Variants in PFKFB3 observed in about 807,000 individuals in gnomAD.
PFKFB3 encodes the protein 6-phosphofructo-2-kinase/fructose-2,6-bisphosphatase 3.
Under a neutral mutation model 68.0 loss-of-function variants are expected in PFKFB3, and 33 were observed. The ratio of observed to expected loss-of-function variants is 0.49; its 90% confidence interval spans 0.37 to 0.65. PFKFB3 has a LOEUF of 0.65. PFKFB3 is among the 30% of genes least tolerant of loss of function. PFKFB3 has a pLI of 0.00. For missense variants in PFKFB3, 586 were observed against 712.2 expected (o/e 0.82, Z 2.02); for synonymous variants, 315 against 288.2 (o/e 1.09, Z -0.94).
At chr10:6,193,893 C>T (rs985262238) in intron 1 of PFKFB3, among the ~76,000 whole-genome samples, 1 of 152,186 alleles carries the variant, frequency 6.6e-6, no homozygotes, top group Non-Finnish European at 1.5e-5. Flanking sequence ...AAACAAATCA[C>T]AATGGTGGAA....
At chr10:6,267,976 A>AG in the PFKFB3 span, among the ~76,000 whole-genome samples, 1 of 150,828 alleles carries the variant, frequency 6.6e-6, no homozygotes, top group African/African-American at 2.4e-5. Context: ...AAAAAAAAAA[A>AG]ATCAAATTAC....
Position 6,220,972 on chromosome 10 carries a change from G to A in PFKFB3, c.831+107G>A. 4 of 864,244 alleles carry A rather than the reference G, an allele frequency of 4.6e-6. No individual in the cohort carries two copies. The South Asian group carries it at 5.9e-5, about 13-fold the overall frequency. 53.5% of individuals were successfully genotyped at this position (864,244 alleles called of 1,614,324 possible). On this transcript the variant is annotated intron_variant, in intron 8 of 14. Transcript: ENST00000379775. This position sits in a 1 kb window ranked among gnomAD's most constrained non-coding sequence, Gnocchi z 4.1. ...GCTGCTGCTGCTGCTGCTGCTGCTT[G>A]GTGTGCTTGCTGTGTGTGTTATCTG...
chr10:6,267,119 G>T, the PFKFB3 span, among the ~76,000 whole-genome samples: 1 of 152,184 alleles, frequency 6.6e-6, no homozygotes, highest in Non-Finnish European at 1.5e-5. Context: ...CTTATATTGT[G>T]CAGTGACAAT....
chr10:6,233,158 T>G lies in PFKFB3; in HGVS notation c.*216T>G. On this transcript the variant is annotated 3_prime_UTR_variant, in exon 15 of 15. Coordinates refer to ENST00000379775, the MANE Select transcript of PFKFB3 (RefSeq NM_004566.4). ...ACGTGGGTCCCTGGCGCCCTGCCTT[T>G]AGCCGTGGGGCCCCCACCTCCACTC... 1 of 541,446 alleles carries G rather than the reference T, an allele frequency of 1.8e-6. No individual in the cohort carries two copies. Among genetic ancestry groups the G allele is most frequent in the Non-Finnish European group, 3.3e-6 (1 of 302,088 alleles). The allele number at this position is 541,446 out of a possible 1,614,324, so 33.5% of individuals were successfully genotyped here.
exon 15 of PFKFB3, chr10:6,254,307 A>C: frequency 2.5e-6 from 1 of 398,602 alleles, no homozygotes; most frequent in African/African-American, 2.1e-5. Context: ...TGCACCAAGC[A>C]TCCCGGAGCC....
In PFKFB3 at chr10:6,154,156, C is replaced by A. The variant is rs987078693; in HGVS notation, c.16+9143C>A. ...TTAGGAAGGGAGTGGCGGCTCAGCA[C>A]GTCCTCATCTCCCATGGTAGGGCCT... On this transcript the variant is annotated intron_variant, in intron 1 of 14. Coordinates refer to the PFKFB3 transcript ENST00000379789. The surrounding 1 kb of genome is among the most constrained non-coding windows in gnomAD (Gnocchi z 4.6). 6.6e-6 allele frequency among the ~76,000 whole-genome samples: 1 copy of A among 152,020 alleles called. No homozygotes were observed. The highest frequency in any genetic ancestry group is 2.4e-5 in the African/African-American group (1 of 41,366).
chr10:6,221,689 G>T lies in PFKFB3; in HGVS notation c.1027G>T (p.Glu343Ter). 6.2e-7 allele frequency: 1 copy of T among 1,610,898 alleles called. No homozygotes were observed. The highest frequency in any genetic ancestry group is 1.1e-5 in the South Asian group (1 of 90,338). Residue 343 changes from glutamate (E) to a stop codon, truncating the protein, a stop_gained, in exon 10 of 15, where the codon GAG (glutamate) becomes TAG (stop). Coordinates refer to ENST00000379775, the MANE Select transcript of PFKFB3 (RefSeq NM_004566.4). LOFTEE classifies it high-confidence loss of function. The part of the protein sequence containing the change: ...TYEEIRDTYP[E>*]EYALREQDKY... ...CGAGGAGATCAGGGACACCTACCCT[G>T]AGGAGTATGCGCTGCGGGAGCAGGA... is the stretch of plus-strand genomic sequence containing the variant.
In PFKFB3 at chr10:6,226,366, G is replaced by A. The variant is rs753720716; in HGVS notation, c.1515+1G>A. On this transcript the variant is annotated splice_donor_variant, in intron 14 of 14. Transcript: ENST00000379775. LOFTEE classifies it high-confidence loss of function. The stretch of plus-strand genomic sequence containing the variant: ...GGTGCCCACGCAGCTGCCTGGACAA[G>A]TCAGTGCACTCCCCTTTCCTTCCTG... 1 of 1,608,854 alleles carries A rather than the reference G, an allele frequency of 6.2e-7. No homozygotes were observed.
At chr10:6,232,644 C>CA (rs993428569) in intron 14 of PFKFB3, among the ~76,000 whole-genome samples, 1 of 152,012 alleles carries the variant, frequency 6.6e-6, no homozygotes, top group Non-Finnish European at 1.5e-5. Flanking sequence ...ACACGGCCCC[C>CA]ACCAGGCGGG....
chr10:6,274,623 A>G, the PFKFB3 span, among the ~76,000 whole-genome samples: 1 of 152,138 alleles, frequency 6.6e-6, no homozygotes, highest in African/African-American at 2.4e-5. Context: ...GATGTAGGAG[A>G]ATTGCTTAAG....
chr10:6,187,324 G>A (rs1842896499), intron 1 of PFKFB3, among the ~76,000 whole-genome samples: 2 of 152,078 alleles, frequency 1.3e-5, no homozygotes, highest in African/African-American at 4.8e-5. Flanking sequence ...TTGCACCACT[G>A]CACTCCAGCC....
the PFKFB3 span, among the ~76,000 whole-genome samples, chr10:6,302,756 A>G: frequency 9.0e-6 from 1 of 111,048 alleles, no homozygotes; most frequent in African/African-American, 3.0e-5. Flanking sequence ...GTATACACAC[A>G]CACACACACA....
the PFKFB3 span, among the ~76,000 whole-genome samples, chr10:6,303,619 C>T: frequency 1.2e-4 from 18 of 151,880 alleles, no homozygotes; most frequent in African/African-American, 3.9e-4. Flanking sequence ...TCGAGACCAC[C>T]CTGGCCAACA....
upstream of PFKFB3, among the ~76,000 whole-genome samples, chr10:6,201,779 C>T (rs672376): frequency 0.95 from 145,316 of 152,268 alleles, 69,698 homozygotes; most frequent in East Asian, 1. The surrounding 1 kb of genome is among the most constrained non-coding windows in gnomAD (Gnocchi z 4.1). Flanking sequence ...GCAGCGCTCC[C>T]GTACTGAGGC....
chr10:6,285,726 C>T, the PFKFB3 span, among the ~76,000 whole-genome samples: 1 of 152,112 alleles, frequency 6.6e-6, no homozygotes, highest in Non-Finnish European at 1.5e-5. Context: ...TCCCCTTCCT[C>T]CCAGCTCCTG....
At chr10:6,323,952 C>G in the PFKFB3 span, among the ~76,000 whole-genome samples, 1 of 152,186 alleles carries the variant, frequency 6.6e-6, no homozygotes, top group Non-Finnish European at 1.5e-5. Flanking sequence ...CACCAGTGTT[C>G]ATAGCAGCAT....
chr10:6,214,221 A>T (rs1443389652), intron 2 of PFKFB3, among the ~76,000 whole-genome samples: 1 of 152,192 alleles, frequency 6.6e-6, no homozygotes, highest in East Asian at 1.9e-4. Context: ...CTCCAGTCTG[A>T]TCAGTGGTGG....
At chr10:6,172,757 G>T (rs1173038661) in intron 1 of PFKFB3, among the ~76,000 whole-genome samples, 2 of 151,984 alleles carry the variant, frequency 1.3e-5, no homozygotes, top group Non-Finnish European at 2.9e-5. Flanking sequence ...AGTAGGTCGA[G>T]GCTGCAGTGA....
chr10:6,302,111 G>A, the PFKFB3 span, among the ~76,000 whole-genome samples: 2 of 150,566 alleles, frequency 1.3e-5, no homozygotes, highest in African/African-American at 4.9e-5. Context: ...CTGGAGTGCA[G>A]TGGCATGATT....
Sources: allele counts gnomAD v4.1 joint callset (sites outside exome capture counted in the v4.1 genomes callset), GRCh38; gene constraint gnomAD v4.1.1; non-coding constraint Gnocchi (gnomAD v3.1); transcripts MANE v1.5; gene names NCBI Gene and HGNC (gene_info 2026-07-23, HGNC 2026-07-21).